The following FBXO47 variants were observed in gnomAD, a reference collection of about 807,000 sequenced individuals.
FBXO47 encodes F-box only protein 47.
In FBXO47, 34 loss-of-function variants were observed where a neutral mutation model predicts 53.9. That is an observed-to-expected ratio of 0.63 (90% CI 0.48 to 0.84). FBXO47 has a LOEUF of 0.84. Among genes scored for constraint, FBXO47 ranks in the 40% least tolerant of loss-of-function variants. The probability of loss-of-function intolerance (pLI) is 0.00; values close to 1 mark genes in which losing one functional copy is unlikely to be tolerated. For missense variants in FBXO47, 485 were observed against 541.3 expected (o/e 0.90, Z 1.03); for synonymous variants, 165 against 181.6 (o/e 0.91, Z 0.73).
At chr17:38,955,440 T>C (rs551310287) in intron 4 of FBXO47, among the ~76,000 whole-genome samples, 1 of 150,056 alleles carries the variant, frequency 6.7e-6, no homozygotes, top group East Asian at 2.0e-4. Flanking sequence ...TATTTAATAA[T>C]AATATTTTAT....
At chr17:38,966,312 C>T (rs997322873) in intron 1 of FBXO47, among the ~76,000 whole-genome samples, 2 of 152,148 alleles carry the variant, frequency 1.3e-5, no homozygotes, top group African/African-American at 4.8e-5. Context: ...AGCGATTCTC[C>T]TGCCTCAGCC....
At chr17:38,957,522 A>AT (rs1864525488) in intron 3 of FBXO47, among the ~76,000 whole-genome samples, 5 of 152,140 alleles carry the variant, frequency 3.3e-5, no homozygotes, top group Admixed American at 2.0e-4. Flanking sequence ...ACATGGAAAA[A>AT]TACATAGAGT....
chr17:38,963,199 A>G (rs1905909689), intron 1 of FBXO47, 148 bp from the exon 2 acceptor site: 1 of 527,472 alleles, frequency 1.9e-6, no homozygotes, highest in Non-Finnish European at 3.4e-6. Context: ...TTTTTTTGAG[A>G]CGGAGTCTTG....
In FBXO47 at chr17:38,951,550, T is replaced by C. The variant is rs560638171; in HGVS notation, c.616+31A>G. On this transcript the variant is annotated intron_variant, in intron 6 of 10. Transcript: ENST00000378079. ...TGTTTATTTTTTCTATTTTAATCTCTGTATATTATATGCAAATTATAGTTT... is the reference window on the plus strand; with the variant it reads ...TGTTTATTTTTTCTATTTTAATCTCCGTATATTATATGCAAATTATAGTTT... 123 of 1,454,766 alleles carry C rather than the reference T, an allele frequency of 8.5e-5. 2 individuals are homozygous for C. The South Asian group carries it at 1.4e-3, about 16-fold the overall frequency. The allele number at this position is 1,454,766 out of a possible 1,614,324, so 90.1% of individuals were successfully genotyped here. A position where few individuals can be genotyped will look rare whatever the true frequency, so the allele number is the denominator to read the frequency against.
intron 3 of FBXO47, among the ~76,000 whole-genome samples, chr17:38,957,977 G>T (rs1025542632): frequency 6.6e-6 from 1 of 152,052 alleles, no homozygotes; most frequent in African/African-American, 2.4e-5. Flanking sequence ...GGGACTACAA[G>T]TGCACACCAC....
intron 9 of FBXO47, among the ~76,000 whole-genome samples, chr17:38,942,062 T>C (rs1434727797): frequency 6.6e-6 from 1 of 152,134 alleles, no homozygotes; most frequent in Non-Finnish European, 1.5e-5. Flanking sequence ...CAGTACTCAT[T>C]TCCCAGTTTC....
chr17:38,942,252 G>A (rs1368388687), intron 9 of FBXO47, among the ~76,000 whole-genome samples: 1 of 151,974 alleles, frequency 6.6e-6, no homozygotes, highest in African/African-American at 2.4e-5. Flanking sequence ...ACTTGAAGTG[G>A]GGAGAAGTTA....
In FBXO47 at chr17:38,962,825, C is replaced by G; in HGVS notation, c.181+20G>C. 1 of 1,579,134 alleles carries G rather than the reference C, an allele frequency of 6.3e-7. No individual in the cohort carries two copies. The highest frequency in any genetic ancestry group is 1.7e-5 in the Admixed American group (1 of 57,444). On this transcript the variant is annotated intron_variant, in intron 2 of 10. Transcript: ENST00000378079. The stretch of plus-strand genomic sequence containing the variant: ...ACTCTAGTGTCTTGTGTAGGCTATT[C>G]ATAAGTTCCCAAACCTCACCTGACA...
chr17:38,942,486 C>T (rs935109781), intron 9 of FBXO47, among the ~76,000 whole-genome samples: 8 of 151,998 alleles, frequency 5.3e-5, no homozygotes, highest in African/African-American at 1.9e-4. Context: ...CCCAGCTACT[C>T]AGGAGGCTGA....
intron 7 of FBXO47, 112 bp downstream of exon 7, chr17:38,944,848 A>AGGTGTGTGTGTGTGTGTGTGTGTGTG: frequency 4.9e-6 from 3 of 615,522 alleles, no homozygotes; most frequent in Non-Finnish European, 8.1e-6. Context: ...GCGTGCATGC[A>AGGTGTGTGTGTGTGTGTGTGTGTGTG]TGTGTGTGTG....
chr17:38,962,562 C>T (rs1211435550), intron 2 of FBXO47, among the ~76,000 whole-genome samples: 18 of 151,026 alleles, frequency 1.2e-4, no homozygotes, highest in Middle Eastern at 3.5e-3. Context: ...GCCGAGATTA[C>T]GCCACTGCAC....
rs1915597256 is a variant in FBXO47, at chr17:38,937,105, G to T, written c.*70C>A. 1.7e-6 allele frequency: 1 copy of T among 599,846 alleles called. No homozygotes were observed. The highest frequency in any genetic ancestry group is 2.7e-5 in the South Asian group (1 of 36,378). The allele number at this position is 599,846 out of a possible 1,614,324, so 37.2% of individuals were successfully genotyped here. On this transcript the variant is annotated 3_prime_UTR_variant, in exon 11 of 11. Transcript: ENST00000378079. Reference sequence around the variant, plus strand: ...AAAAGTCCCATGGATGCTATTTTTTGAGTGAAAAAGTAGCACTCCTCTAAT... The same window carrying T: ...AAAAGTCCCATGGATGCTATTTTTTTAGTGAAAAAGTAGCACTCCTCTAAT...
intron 5 of FBXO47, among the ~76,000 whole-genome samples, chr17:38,953,697 A>G (rs1905417373): frequency 6.6e-6 from 1 of 152,118 alleles, no homozygotes; most frequent in African/African-American, 2.4e-5. Context: ...GAAACTGAAA[A>G]CTGATTATTT....
At chr17:38,963,796 TTTG>T (rs1301052580) in intron 1 of FBXO47, among the ~76,000 whole-genome samples, 16 of 138,824 alleles carry the variant, frequency 1.2e-4, no homozygotes, top group South Asian at 5.0e-4. Context: ...TTGTTGTTGT[TTTG>T]TTGTTTTTTT....
intron 1 of FBXO47, 137 bp from the exon 2 acceptor site, chr17:38,963,188 T>C (rs1487225275): frequency 1.4e-5 from 8 of 556,836 alleles, no homozygotes; most frequent in African/African-American, 5.7e-5. Context: ...GATTTTTGGT[T>C]TTTTTTTGAG....
intron 6 of FBXO47, among the ~76,000 whole-genome samples, chr17:38,945,948 A>AAAAAAAAAAAAAAATATAT (rs1184511532): frequency 8.5e-6 from 1 of 117,158 alleles, no homozygotes; most frequent in African/African-American, 3.5e-5. Flanking sequence ...AAAAAAAAAA[A>AAAAAAAAAAAAAAATATAT]ATATATATAT....
intron 3 of FBXO47, among the ~76,000 whole-genome samples, chr17:38,958,990 A>C (rs1905686226): frequency 6.6e-6 from 1 of 151,924 alleles, no homozygotes; most frequent in Non-Finnish European, 1.5e-5. Context: ...TTAGAATTCT[A>C]CTCCTGGGCA....
chr17:38,939,323 A>AAAAAAT (rs1555559726), intron 9 of FBXO47, among the ~76,000 whole-genome samples: 9 of 50,162 alleles, frequency 1.8e-4, no homozygotes, highest in Non-Finnish European at 2.3e-4. Context: ...AAAAAAAAAA[A>AAAAAAT]ATATATATAT....
rs141815350 is a variant in FBXO47, at chr17:38,964,410, A to T, written c.-26-1359T>A. Among the ~76,000 whole-genome samples the T allele has an allele frequency of 8.2e-3, 1,242 of 152,312 alleles. 10 individuals are homozygous for T. Among genetic ancestry groups the T allele is most frequent in the Admixed American group, 0.015 (224 of 15,290 alleles). On this transcript the variant is annotated intron_variant, in intron 1 of 10. Coordinates refer to ENST00000378079, the MANE Select transcript of FBXO47 (RefSeq NM_001008777.3). ...CAGGAGTTCGAGACCAGCCTGGCCAACATAGCGAAACCCCGTCTCTACAAA... is the reference window on the plus strand; with the variant it reads ...CAGGAGTTCGAGACCAGCCTGGCCATCATAGCGAAACCCCGTCTCTACAAA...
Sources: allele counts gnomAD v4.1 joint callset (sites outside exome capture counted in the v4.1 genomes callset), GRCh38; gene constraint gnomAD v4.1.1; transcripts MANE v1.5; gene names NCBI Gene and HGNC (gene_info 2026-07-23, HGNC 2026-07-21).